The following NECTIN3 variants were observed in gnomAD, a reference collection of about 807,000 sequenced individuals.
The protein encoded by NECTIN3 is nectin-3.
NECTIN3 carries 8 observed loss-of-function variants against 49.4 expected under a neutral mutation model. The ratio of observed to expected loss-of-function variants is 0.16; its 90% CI spans 0.10 to 0.29. The LOEUF is 0.29. NECTIN3 is among the 10% of genes least tolerant of loss of function. NECTIN3 has a pLI of 1.00. For synonymous variants in NECTIN3, 277 were observed against 241.1 expected, an observed-to-expected ratio of 1.15 and a Z score of -1.38; for missense variants, 581 against 654.6, an observed-to-expected ratio of 0.89 and a Z score of 1.23.
At chr3:111,123,721 C>A (rs1391951387) in intron 4 of NECTIN3, among the ~76,000 whole-genome samples, 1 of 151,912 alleles carries the variant, frequency 6.6e-6, no homozygotes, top group African/African-American at 2.4e-5. Flanking sequence ...TTTTTGGATT[C>A]TTTGGACCAA....
At chr3:111,119,622 A>C (rs1374212554) in intron 3 of NECTIN3, among the ~76,000 whole-genome samples, 1 of 152,176 alleles carries the variant, frequency 6.6e-6, no homozygotes, top group East Asian at 1.9e-4. Context: ...GAGCCACTGC[A>C]TGTGGCCTTA....
rs572393230 is a variant in NECTIN3, at chr3:111,193,287, C to G, written c.63+874C>G. 4 of 1,535,034 alleles carry G rather than the reference C, an allele frequency of 2.6e-6. No homozygotes were observed. The South Asian group carries it at 4.8e-5, about 18-fold the overall frequency. ...TCAGCAGATGTACCCCCTTTACAAT[C>G]AAATGTGCTACCAAGACCGGAGCCC... On this transcript the variant is annotated intron_variant, in intron 1 of 1. Transcript: ENST00000485506.
In NECTIN3 at chr3:111,137,289, A is replaced by C. The variant is rs2034613501; in HGVS notation, c.*3074A>C. On this transcript the variant is annotated 3_prime_UTR_variant, in exon 6 of 6. Coordinates refer to ENST00000485303, the MANE Select transcript of NECTIN3 (RefSeq NM_015480.3). ...ATTTTTAATTCTAATAGGAGAGTAG[A>C]TTGTAGATTGAATTGTCTTTCCTGT... 1.7e-5 allele frequency: 16 copies of C among 961,532 alleles called. No homozygotes were observed. The highest frequency in any genetic ancestry group is 4.8e-5 in the South Asian group (1 of 20,796). 59.6% of individuals were successfully genotyped at this position (961,532 alleles called of 1,614,324 possible).
At chr3:111,098,189 G>A (rs931328056) in intron 1 of NECTIN3, among the ~76,000 whole-genome samples, 5 of 152,184 alleles carry the variant, frequency 3.3e-5, no homozygotes, top group African/African-American at 1.2e-4. Flanking sequence ...TTTGAGCAGT[G>A]TGCAAGTCTG....
intron 7 of NECTIN3, among the ~76,000 whole-genome samples, chr3:111,162,720 C>T (rs1337324531): frequency 2.0e-5 from 3 of 152,132 alleles, no homozygotes; most frequent in Non-Finnish European, 2.9e-5. Context: ...AATAAGGATT[C>T]CCTTTCTCTC....
At chr3:111,086,170 A>G (rs894256675) in intron 1 of NECTIN3, among the ~76,000 whole-genome samples, 16 of 152,124 alleles carry the variant, frequency 1.1e-4, no homozygotes, top group African/African-American at 3.6e-4. Context: ...GTTCCTAGGA[A>G]TTGTTTATAT....
At chr3:111,089,442 C>CATATACATACATGTTT (rs2032129819) in intron 1 of NECTIN3, among the ~76,000 whole-genome samples, 1 of 149,806 alleles carries the variant, frequency 6.7e-6, no homozygotes, top group African/African-American at 2.5e-5. Context: ...TGTATATAAA[C>CATATACATACATGTTT]ATATACATAC....
At chr3:111,130,582 A>G (rs960653018) in intron 5 of NECTIN3, among the ~76,000 whole-genome samples, 13 of 152,300 alleles carry the variant, frequency 8.5e-5, no homozygotes, top group African/African-American at 3.1e-4. Flanking sequence ...TTTTTAATAT[A>G]TGTAAAATAA....
intron 1 of NECTIN3, among the ~76,000 whole-genome samples, chr3:111,106,228 T>C (rs1342821384): frequency 6.6e-6 from 1 of 152,168 alleles, no homozygotes; most frequent in African/African-American, 2.4e-5. Context: ...GCAAACTGTC[T>C]AATGGCTCAG....
intron 1 of NECTIN3, among the ~76,000 whole-genome samples, chr3:111,095,991 G>A (rs1055869196): frequency 6.6e-6 from 1 of 152,224 alleles, no homozygotes; most frequent in African/African-American, 2.4e-5. Context: ...TGAACATGTG[G>A]AAGTGACTTT....
chr3:111,143,620 C>A (rs1182182046), intron 5 of NECTIN3, among the ~76,000 whole-genome samples: 1 of 151,880 alleles, frequency 6.6e-6, no homozygotes, highest in Non-Finnish European at 1.5e-5. Flanking sequence ...AGTGCTAGTT[C>A]TGTAACTTTG....
chr3:111,121,100 T>C (rs912119376), intron 3 of NECTIN3, among the ~76,000 whole-genome samples: 1 of 151,072 alleles, frequency 6.6e-6, no homozygotes, highest in East Asian at 1.9e-4. Flanking sequence ...CCTCCCGGGT[T>C]CGTGCCATTC....
At chr3:111,077,920 C>G (rs7648752) in intron 1 of NECTIN3, among the ~76,000 whole-genome samples, 12,159 of 152,052 alleles carry the variant, frequency 0.08, 737 homozygotes, top group African/African-American at 0.17. Flanking sequence ...TTTCTTGAAG[C>G]CACATTTAAA....
chr3:111,123,168 A>G (rs769141823), intron 4 of NECTIN3, among the ~76,000 whole-genome samples: 10 of 152,100 alleles, frequency 6.6e-5, no homozygotes, highest in Non-Finnish European at 1.5e-4. Flanking sequence ...ATAAACTGAA[A>G]ATAGGCCAAC....
rs1438821689 is a variant in NECTIN3, at chr3:111,072,115, C to G, written c.98C>G (p.Pro33Arg). Residue 33 changes from proline (P) to arginine (R), a missense_variant, in exon 1 of 6, where the codon CCC becomes CGC. Pro to Arg is a moderately radical substitution (Grantham distance 103). This residue lies in a region of NECTIN3 where 109 missense variants were observed against 69.1 expected (regional missense o/e 1.58). Transcript: ENST00000485303. ...SLLGAGLLLQ[P>R]PTPPPLLLLL... ...CTCGGAGCCGGGCTCCTGCTGCAGC[C>G]CCCGACGCCACCTCCGCTGCTGCTG... 3.2e-6 allele frequency: 5 copies of G among 1,549,620 alleles called. No individual in the cohort carries two copies. The highest frequency in any genetic ancestry group is 4.4e-6 in the Non-Finnish European group (5 of 1,146,228).
At chr3:111,089,456 C>A (rs1028846589) in intron 1 of NECTIN3, among the ~76,000 whole-genome samples, 1 of 143,558 alleles carries the variant, frequency 7.0e-6, no homozygotes, top group Non-Finnish European at 1.5e-5. Context: ...TACATACACA[C>A]ACATATATGT....
intron 1 of NECTIN3, among the ~76,000 whole-genome samples, chr3:111,101,191 A>C (rs963396960): frequency 6.6e-6 from 1 of 152,166 alleles, no homozygotes; most frequent in African/African-American, 2.4e-5. Context: ...GCTTTCACCC[A>C]CACAGTAAAT....
chr3:111,121,472 A>C (rs1355937454), intron 3 of NECTIN3, among the ~76,000 whole-genome samples: 1 of 152,162 alleles, frequency 6.6e-6, no homozygotes, highest in Admixed American at 6.5e-5. Flanking sequence ...GTTGTGTTGC[A>C]CATATGCTAA....
intron 1 of NECTIN3, among the ~76,000 whole-genome samples, chr3:111,074,742 A>C (rs2031055653): frequency 6.6e-6 from 1 of 152,044 alleles, no homozygotes; most frequent in Admixed American, 6.6e-5. Context: ...CCTAGGTATA[A>C]GTGTCAAGGG....
Sources: allele counts gnomAD v4.1 joint callset (sites outside exome capture counted in the v4.1 genomes callset), GRCh38; gene constraint gnomAD v4.1.1; regional missense constraint gnomAD v4.1.1; transcripts MANE v1.5; gene names NCBI Gene and HGNC (gene_info 2026-07-23, HGNC 2026-07-21).